The following PRKG1 variants were observed in gnomAD, a reference collection of about 807,000 sequenced individuals.
PRKG1 encodes cGMP-dependent protein kinase 1.
Under a neutral mutation model 88.1 loss-of-function variants are expected in PRKG1, and 35 were observed. The observed-to-expected ratio is 0.40, with a 90% CI of 0.30 to 0.53. The LOEUF (loss-of-function observed/expected upper bound fraction) is 0.53. PRKG1 is among the 20% of genes least tolerant of loss of function. The probability of loss-of-function intolerance (pLI) is 0.59; values close to 1 mark genes in which losing one functional copy is unlikely to be tolerated. For synonymous variants in PRKG1, 303 were observed against 292.5 expected, an observed-to-expected ratio of 1.04 and a Z score of -0.37; for missense variants, 540 against 839.8, an observed-to-expected ratio of 0.64 and a Z score of 4.41.
chr10:51,607,179 A>C (rs997287301), intron 3 of PRKG1, among the ~76,000 whole-genome samples: 1 of 152,222 alleles, frequency 6.6e-6, no homozygotes, highest in Non-Finnish European at 1.5e-5. Context: ...CTTTAATGGA[A>C]GGAGTTTCTG....
At chr10:51,459,133 CCTT>C (rs1257281025) in intron 2 of PRKG1, among the ~76,000 whole-genome samples, 1 of 152,066 alleles carries the variant, frequency 6.6e-6, no homozygotes, top group Non-Finnish European at 1.5e-5. Context: ...CCTCATCACT[CCTT>C]CATCATATCC....
intron 5 of PRKG1, among the ~76,000 whole-genome samples, chr10:51,924,120 C>T (rs72801432): frequency 0.082 from 12,485 of 152,136 alleles, 667 homozygotes; most frequent in African/African-American, 0.14. Flanking sequence ...CCACCACACC[C>T]GGCCTTACTT....
intron 3 of PRKG1, among the ~76,000 whole-genome samples, chr10:51,479,503 GTTTTCAT>G (rs1186752618): frequency 2.0e-5 from 3 of 151,780 alleles, no homozygotes; most frequent in African/African-American, 7.3e-5. Context: ...GCTGGATTTT[GTTTTCAT>G]TTTCCCTTTG....
At chr10:51,136,436 C>A (rs562807428) in intron 1 of PRKG1, among the ~76,000 whole-genome samples, 1 of 152,024 alleles carries the variant, frequency 6.6e-6, no homozygotes, top group Non-Finnish European at 1.5e-5. Flanking sequence ...GCGAAATTAT[C>A]TCAGGAGAAT....
intron 4 of PRKG1, among the ~76,000 whole-genome samples, chr10:51,805,051 A>G (rs1198787442): frequency 1.3e-5 from 2 of 152,080 alleles, no homozygotes; most frequent in African/African-American, 4.8e-5. Context: ...TACATCTTCA[A>G]CTATTTATTG....
intron 9 of PRKG1, among the ~76,000 whole-genome samples, chr10:52,180,838 G>T (rs1352841235): frequency 1.3e-5 from 2 of 152,160 alleles, no homozygotes; most frequent in African/African-American, 4.8e-5. Flanking sequence ...TCTGGCTGGG[G>T]GCATGGGTGC....
chr10:51,155,667 T>C (rs1846189397), intron 2 of PRKG1, among the ~76,000 whole-genome samples: 1 of 152,002 alleles, frequency 6.6e-6, no homozygotes, highest in African/African-American at 2.4e-5. Context: ...TTTGTTTATG[T>C]GATTGTGGAG....
upstream of PRKG1, among the ~76,000 whole-genome samples, chr10:51,073,139 T>A (rs1247737036): frequency 6.6e-6 from 1 of 152,170 alleles, no homozygotes; most frequent in Non-Finnish European, 1.5e-5. Flanking sequence ...TATTTGGGGA[T>A]TCTAAACATG....
chr10:51,383,060 G>A (rs1837150037), intron 2 of PRKG1, among the ~76,000 whole-genome samples: 1 of 152,088 alleles, frequency 6.6e-6, no homozygotes, highest in African/African-American at 2.4e-5. Flanking sequence ...GGCTTATAAT[G>A]ATTGGCTCAC....
At chr10:51,831,290 T>G (rs768668026) in intron 4 of PRKG1, among the ~76,000 whole-genome samples, 32 of 152,078 alleles carry the variant, frequency 2.1e-4, no homozygotes, top group Non-Finnish European at 3.7e-4. Context: ...AGCAGAATCA[T>G]TATATGTTCA....
chr10:51,112,901 A>C (rs953209907), intron 1 of PRKG1, among the ~76,000 whole-genome samples: 20 of 152,212 alleles, frequency 1.3e-4, no homozygotes, highest in African/African-American at 2.2e-4. Flanking sequence ...AAACACTGTT[A>C]GCATATTATG....
intron 1 of PRKG1, among the ~76,000 whole-genome samples, chr10:51,014,168 C>T (rs1843027251): frequency 6.6e-6 from 1 of 152,172 alleles, no homozygotes; most frequent in African/African-American, 2.4e-5. Flanking sequence ...ATGTATGTTG[C>T]ATCTTCTCTT....
chr10:51,659,290 C>T (rs889070874), intron 3 of PRKG1, among the ~76,000 whole-genome samples: 13 of 152,044 alleles, frequency 8.6e-5, no homozygotes, highest in South Asian at 2.1e-4. Context: ...GATGACAGTT[C>T]GCTCAAATGT....
In PRKG1 at chr10:50,991,231, G is replaced by T; in HGVS notation, c.-148G>T. The T allele has an allele frequency of 8.4e-7, 1 of 1,196,656 alleles. No individual in the cohort carries two copies. The highest frequency in any genetic ancestry group is 1.1e-6 in the Non-Finnish European group (1 of 887,484). 74.1% of individuals were successfully genotyped at this position (1,196,656 alleles called of 1,614,324 possible). On this transcript the variant is annotated 5_prime_UTR_variant, in exon 1 of 18. Transcript: ENST00000401604. This position sits in a 1 kb window ranked among gnomAD's most constrained non-coding sequence, Gnocchi z 4.5. ...GCAGGAGGCTCCCCGCGCCGCATTAGGGGCGCACTCCGCCGCGCTCGAGTA... is the reference window on the plus strand; with the variant it reads ...GCAGGAGGCTCCCCGCGCCGCATTATGGGCGCACTCCGCCGCGCTCGAGTA...
In PRKG1 at chr10:52,029,248, T is replaced by C. The variant is rs778136172; in HGVS notation, c.763-25236T>C. ...TGACATAAACACACAGTCTCTCTTT[T>C]CCACTTACATTTAAATGTTCACAAA... On this transcript the variant is annotated intron_variant, in intron 5 of 17. Coordinates refer to ENST00000373980, the MANE Select transcript of PRKG1 (RefSeq NM_006258.4). Among the ~76,000 whole-genome samples, 30 of 152,358 alleles carry C rather than the reference T, an allele frequency of 2.0e-4. 1 individual carries two copies. The highest frequency in any genetic ancestry group is 1.6e-3 in the Admixed American group (24 of 15,300).
chr10:51,802,035 A>G (rs994818018), intron 3 of PRKG1, among the ~76,000 whole-genome samples: 23 of 152,210 alleles, frequency 1.5e-4, no homozygotes, highest in African/African-American at 5.5e-4. Flanking sequence ...TATGGAGATT[A>G]ACACATCACT....
At chr10:52,184,682 C>T (rs61847307) in intron 9 of PRKG1, 33,902 of 152,046 alleles carry the variant, frequency 0.22, 4,181 homozygotes, top group Non-Finnish European at 0.28. Context: ...GCTCACAATT[C>T]TGCAGGTTCA....
intron 3 of PRKG1, among the ~76,000 whole-genome samples, chr10:51,504,551 T>C (rs564876585): frequency 5.1e-4 from 78 of 152,306 alleles, no homozygotes; most frequent in African/African-American, 1.7e-3. Context: ...AATCTATAAA[T>C]TACCTTGGGC....
intron 3 of PRKG1, among the ~76,000 whole-genome samples, chr10:51,498,226 A>T (rs1436521534): frequency 6.6e-6 from 1 of 152,216 alleles, no homozygotes; most frequent in Non-Finnish European, 1.5e-5. Context: ...TCAAAGTCTA[A>T]TTATTTAGCA....
Sources: gnomAD v4.1 joint callset for allele counts (sites outside exome capture counted in the v4.1 genomes callset) on GRCh38, gnomAD v4.1.1 for gene constraint, Gnocchi (gnomAD v3.1) non-coding constraint, MANE v1.5 for transcripts, NCBI Gene and HGNC (gene_info 2026-07-23, HGNC 2026-07-21) for gene names.